Variants in ICA1 observed in about 807,000 individuals in gnomAD.
ICA1 encodes the protein 69 kDa islet cell autoantigen.
In ICA1, 40 loss-of-function variants were observed where a neutral mutation model predicts 71.0. That is an observed-to-expected ratio of 0.56 (90% CI 0.44 to 0.73). ICA1 has a LOEUF of 0.73. Among genes scored for constraint, ICA1 ranks in the 30% least tolerant of loss-of-function variants. ICA1 has a pLI of 0.00. For missense variants in ICA1, 578 were observed against 576.5 expected (o/e 1.00, Z -0.03); for synonymous variants, 207 against 209.5 (o/e 0.99, Z 0.10).
intron 12 of ICA1, among the ~76,000 whole-genome samples, chr7:8,135,285 C>T (rs1446787002): frequency 6.6e-6 from 1 of 152,036 alleles, no homozygotes; most frequent in Non-Finnish European, 1.5e-5. Context: ...TCTTGTCCTC[C>T]CAAAGTGCTG....
At chr7:8,170,106 G>A (rs1807737660) in intron 6 of ICA1, among the ~76,000 whole-genome samples, 1 of 151,798 alleles carries the variant, frequency 6.6e-6, no homozygotes. Context: ...TCCTCAATAC[G>A]GATACCCAAT....
intron 6 of ICA1, among the ~76,000 whole-genome samples, chr7:8,196,140 G>A (rs1279234369): frequency 6.6e-6 from 1 of 152,150 alleles, no homozygotes; most frequent in Admixed American, 6.5e-5. Context: ...TGAAAAAACT[G>A]TGATACATCC....
At chr7:8,157,264 G>T in intron 7 of ICA1, 50 bp from the exon 8 acceptor site, 1 of 1,501,544 alleles carries the variant, frequency 6.7e-7, no homozygotes. Flanking sequence ...CCCAGTTCTA[G>T]TCCTGGTCCC....
chr7:8,171,044 A>G (rs1017331787), intron 6 of ICA1, among the ~76,000 whole-genome samples: 8 of 151,886 alleles, frequency 5.3e-5, no homozygotes, highest in Non-Finnish European at 8.8e-5. Flanking sequence ...TCCTTTTGCT[A>G]ATATTTTGAT....
rs763063314 is a variant in ICA1, at chr7:8,232,582, G to A, written c.183+8C>T. 1.2e-6 allele frequency: 2 copies of A among 1,604,532 alleles called. No individual in the cohort carries two copies. Among genetic ancestry groups the A allele is most frequent in the Non-Finnish European group, 1.7e-6 (2 of 1,175,350 alleles). ...CTGTGTTGGGGCTGACAGCAATAAA[G>A]AGCTCACCTCTAGCTTGGCATCCAG... On this transcript the variant is annotated splice_region_variant and intron_variant, in intron 3 of 13. Transcript: ENST00000402384.
intron 13 of ICA1, among the ~76,000 whole-genome samples, chr7:8,126,249 T>G (rs1040768360): frequency 1.3e-5 from 2 of 152,190 alleles, no homozygotes; most frequent in African/African-American, 4.8e-5. Context: ...TGGGGAGTCC[T>G]CAGCAGCCCT....
intron 6 of ICA1, among the ~76,000 whole-genome samples, chr7:8,171,283 T>C (rs76571620): frequency 0.036 from 5,403 of 152,030 alleles, 155 homozygotes; most frequent in Middle Eastern, 0.13. Context: ...TGAGGTTTCC[T>C]TTGTAGAAAG....
At chr7:8,164,287 G>A (rs1370229106) in intron 6 of ICA1, among the ~76,000 whole-genome samples, 10 of 120,292 alleles carry the variant, frequency 8.3e-5, no homozygotes, top group Admixed American at 2.2e-4. Context: ...CTGGGCGACC[G>A]AGCGAGACTC....
At chr7:8,118,103 T>C (rs1166802897) in intron 13 of ICA1, among the ~76,000 whole-genome samples, 1 of 152,232 alleles carries the variant, frequency 6.6e-6, no homozygotes, top group Non-Finnish European at 1.5e-5. Context: ...TAAAGCATTA[T>C]TTTAAGAGAT....
Position 8,187,174 on chromosome 7 carries a change from A to T in ICA1, c.580-28522T>A, listed in dbSNP as rs560014736. On this transcript the variant is annotated intron_variant, in intron 6 of 13. Transcript: ENST00000402384. ...ATACAGTGTACTTAAATAAACCTAGACGATATAGCACCTATTACACACCTA... is the reference window on the plus strand; with the variant it reads ...ATACAGTGTACTTAAATAAACCTAGTCGATATAGCACCTATTACACACCTA... Among the ~76,000 whole-genome samples the T allele has an allele frequency of 3.4e-3, 514 of 152,330 alleles. 1 individual carries two copies. The highest frequency in any genetic ancestry group is 5.3e-3 in the Non-Finnish European group (358 of 68,026).
rs557910091 is a variant in ICA1 at position 8,129,706 on chromosome 7, AATT to A, written c.1061-1567_1061-1565del. ...TCTGAGACAGTGTGATTTTTTTTAA[AATT>A]ATTATTATTATACTTTAAGTTTTAG... On this transcript the variant is annotated intron_variant, in intron 12 of 13. Transcript: ENST00000402384. Among the ~76,000 whole-genome samples the A allele has an allele frequency of 1.9e-4, 29 of 152,078 alleles. No individual in the cohort carries two copies. The South Asian group carries it at 5.4e-3, about 28-fold the overall frequency.
chr7:8,203,048 A>G (rs555691536), intron 6 of ICA1, among the ~76,000 whole-genome samples: 2 of 152,322 alleles, frequency 1.3e-5, no homozygotes, highest in South Asian at 4.1e-4. Flanking sequence ...ATATTAACTA[A>G]CCTGGGGCTC....
At chr7:8,245,981 TGAATAA>T (rs1206250968) in intron 1 of ICA1, among the ~76,000 whole-genome samples, 4 of 152,226 alleles carry the variant, frequency 2.6e-5, no homozygotes, top group African/African-American at 9.7e-5. Context: ...CCTGTAAAAT[TGAATAA>T]AGTCTATGAT....
At chr7:8,129,304 T>C (rs1425761609) in intron 12 of ICA1, among the ~76,000 whole-genome samples, 5 of 152,104 alleles carry the variant, frequency 3.3e-5, no homozygotes, top group African/African-American at 4.8e-5. Context: ...AATTCTGATA[T>C]GGTCATATTA....
At chr7:8,181,651 G>C (rs1157520919) in intron 6 of ICA1, among the ~76,000 whole-genome samples, 1 of 152,198 alleles carries the variant, frequency 6.6e-6, no homozygotes, top group South Asian at 2.1e-4. Context: ...CCTAAGCAAT[G>C]TTTTGCAGTT....
intron 10 of ICA1, among the ~76,000 whole-genome samples, chr7:8,139,833 A>C (rs999431485): frequency 6.6e-6 from 1 of 152,238 alleles, no homozygotes; most frequent in Non-Finnish European, 1.5e-5. Flanking sequence ...AAACTATTCT[A>C]AACAATAAAG....
chr7:8,163,494 A>C (rs1457702954), intron 6 of ICA1, among the ~76,000 whole-genome samples: 2 of 152,198 alleles, frequency 1.3e-5, no homozygotes, highest in Non-Finnish European at 2.9e-5. Context: ...AGTCGGCACA[A>C]ATGGAATCGA....
intron 6 of ICA1, among the ~76,000 whole-genome samples, chr7:8,174,513 G>C (rs939598154): frequency 2.6e-5 from 4 of 151,994 alleles, no homozygotes; most frequent in African/African-American, 9.7e-5. Flanking sequence ...AAAAATGAAA[G>C]CTGGGCGTGG....
intron 2 of ICA1, among the ~76,000 whole-genome samples, chr7:8,233,241 C>A (rs1052081098): frequency 6.6e-6 from 1 of 152,142 alleles, no homozygotes; most frequent in Non-Finnish European, 1.5e-5. Context: ...CTAAAATAGT[C>A]AAACTCACAG....
Sources: allele counts gnomAD v4.1 joint callset (sites outside exome capture counted in the v4.1 genomes callset), GRCh38; gene constraint gnomAD v4.1.1; transcripts MANE v1.5; gene names NCBI Gene and HGNC (gene_info 2026-07-23, HGNC 2026-07-21).